ZBTB8B: variants seen among roughly 807,000 people sequenced by gnomAD.
ZBTB8B encodes the protein zinc finger and BTB domain-containing protein 8B.
Under a neutral mutation model 30.3 loss-of-function variants are expected in ZBTB8B, and 17 were observed. The observed-to-expected ratio is 0.56, with a 90% CI of 0.38 to 0.84. The LOEUF is 0.84. Ranked by LOEUF, ZBTB8B falls within the 40% of genes least tolerant of loss-of-function variation. The pLI, the probability that ZBTB8B is intolerant of heterozygous loss-of-function variation, is 0.00. For missense variants in ZBTB8B, 515 were observed against 644.9 expected, an observed-to-expected ratio of 0.80 and a Z score of 2.18; for synonymous variants, 248 against 255.6, an observed-to-expected ratio of 0.97 and a Z score of 0.28.
Position 32,486,152 on chromosome 1 carries a change from C to T in ZBTB8B, c.*734C>T, listed in dbSNP as rs1643743753. ...GACGATTCTACACATACAACCTGTT[C>T]TGTTATCATAAAACAACTCATTTGG... On this transcript the variant is annotated 3_prime_UTR_variant, in exon 4 of 4. Coordinates refer to ENST00000609129, the MANE Select transcript of ZBTB8B (RefSeq NM_001145720.2). The T allele has an allele frequency of 6.6e-6, 1 of 152,260 alleles. No individual in the cohort carries two copies. Among genetic ancestry groups the T allele is most frequent in the African/African-American group, 2.4e-5 (1 of 41,474 alleles). The allele number at this position is 152,260 out of a possible 1,614,324, so 9.4% of individuals were successfully genotyped here.
Position 32,471,619 on chromosome 1 carries a change from A to T in ZBTB8B, c.991+4A>T. Reference sequence around the variant, plus strand: ...GACTGGTATGGAGAGGACTCAGGTGAGCTCCCTTAGCATTCATCAGCCCTG... The same window carrying T: ...GACTGGTATGGAGAGGACTCAGGTGTGCTCCCTTAGCATTCATCAGCCCTG... On this transcript the variant is annotated splice_donor_region_variant and intron_variant, in intron 2 of 3. Coordinates refer to ENST00000609129, the MANE Select transcript of ZBTB8B (RefSeq NM_001145720.2). 1.3e-6 allele frequency: 2 copies of T among 1,547,190 alleles called. No individual in the cohort carries two copies. The highest frequency in any genetic ancestry group is 1.7e-6 in the Non-Finnish European group (2 of 1,143,528).
intron 3 of ZBTB8B, among the ~76,000 whole-genome samples, chr1:32,481,451 G>A (rs1643703794): frequency 6.6e-6 from 1 of 151,938 alleles, no homozygotes; most frequent in African/African-American, 2.4e-5. Flanking sequence ...CCAGCACCTA[G>A]GGGTAAGGGA....
intron 2 of ZBTB8B, among the ~76,000 whole-genome samples, chr1:32,477,604 CA>C (rs1643673538): frequency 6.6e-6 from 1 of 152,046 alleles, no homozygotes; most frequent in Non-Finnish European, 1.5e-5. Flanking sequence ...TCCTAGGAAA[CA>C]GGTCGTCATT....
chr1:32,482,262 G>A (rs894810933), intron 3 of ZBTB8B, among the ~76,000 whole-genome samples: 11 of 152,040 alleles, frequency 7.2e-5, no homozygotes, highest in African/African-American at 2.7e-4. Context: ...GCCTCCCAAA[G>A]TGCTGGGATT....
At chr1:32,470,512 A>AAAG in intron 1 of ZBTB8B, 72 bp from the exon 2 acceptor site, 1 of 1,083,152 alleles carries the variant, frequency 9.2e-7, no homozygotes, top group East Asian at 3.6e-5. Context: ...AAAAAAAAAA[A>AAAG]AAAAAAAAAA....
intron 2 of ZBTB8B, among the ~76,000 whole-genome samples, chr1:32,477,186 A>G (rs1041461034): frequency 4.6e-5 from 7 of 152,236 alleles, no homozygotes; most frequent in Non-Finnish European, 1.0e-4. Flanking sequence ...CTCCTAGGGA[A>G]AATCATCACT....
rs1347555014 is a variant in ZBTB8B, at chr1:32,496,351, C to A, written c.*10933C>A. 1 of 152,184 alleles carries A rather than the reference C, an allele frequency of 6.6e-6. No individual in the cohort carries two copies. The highest frequency in any genetic ancestry group is 1.9e-4 in the East Asian group (1 of 5,204). The allele number at this position is 152,184 out of a possible 1,614,324, so 9.4% of individuals were successfully genotyped here. On this transcript the variant is annotated 3_prime_UTR_variant, in exon 4 of 4. Transcript: ENST00000609129. ...AGCTCTACAGTTACACACTGTCCAA[C>A]AGCTCTCGGAAGAAAAACAGAAACT...
In ZBTB8B at chr1:32,484,210, GA is replaced by G. The variant is rs1279754660; in HGVS notation, c.1171-875del. Among the ~76,000 whole-genome samples, 7,209 of 130,190 alleles carry G rather than the reference GA, an allele frequency of 0.055. 129 individuals carry two copies. Among genetic ancestry groups the G allele is most frequent in the Middle Eastern group, 0.096 (24 of 250 alleles). 85.4% of individuals were successfully genotyped at this position (130,190 alleles called of 152,430 possible). Reference sequence around the variant, plus strand: ...GTGACAGAGAAAGACCCTGTCTCTGGAAAAAAAAAAAAAAAATCCCAATCAG... The same window carrying G: ...GTGACAGAGAAAGACCCTGTCTCTGGAAAAAAAAAAAAAAATCCCAATCAG... On this transcript the variant is annotated intron_variant, in intron 3 of 3. Coordinates refer to ENST00000609129, the MANE Select transcript of ZBTB8B (RefSeq NM_001145720.2). This position sits in a 1 kb window ranked among gnomAD's most constrained non-coding sequence, Gnocchi z 4.5.
Position 32,492,303 on chromosome 1 carries a change from T to C in ZBTB8B, c.*6885T>C. The C allele has an allele frequency of 6.3e-6, 1 of 159,590 alleles. No individual in the cohort carries two copies. Among genetic ancestry groups the C allele is most frequent in the Non-Finnish European group, 1.3e-5 (1 of 74,764 alleles). 9.9% of individuals were successfully genotyped at this position (159,590 alleles called of 1,614,324 possible). A position where few individuals can be genotyped will look rare whatever the true frequency, so the allele number is the denominator to read the frequency against. ...GGCTCTTGGTAACCGTGCCTTTTTT[T>C]TTTTTTTTTTTTTTTTAAAGATGGA... On this transcript the variant is annotated 3_prime_UTR_variant, in exon 4 of 4. Coordinates refer to ENST00000609129, the MANE Select transcript of ZBTB8B (RefSeq NM_001145720.2).
At position 32,465,265 on chromosome 1, in the gene ZBTB8B, C is replaced by G. The variant is rs1235409287; in HGVS notation, c.-42+160C>G. The stretch of plus-strand genomic sequence containing the variant: ...TGGCCCTGGCAACTCCTGGGACCTC[C>G]GCCCCGCGAGCCCTTCTAGCGTGGG... On this transcript the variant is annotated intron_variant, in intron 1 of 3. Transcript: ENST00000609129. This position sits in a 1 kb window ranked among gnomAD's most constrained non-coding sequence, Gnocchi z 4.1. 6.6e-6 allele frequency among the ~76,000 whole-genome samples: 1 copy of G among 152,258 alleles called. No homozygotes were observed. The highest frequency in any genetic ancestry group is 1.5e-5 in the Non-Finnish European group (1 of 68,040).
chr1:32,481,623 A>ATATT (rs1036314243), intron 3 of ZBTB8B, among the ~76,000 whole-genome samples: 6 of 152,132 alleles, frequency 3.9e-5, no homozygotes, highest in African/African-American at 7.2e-5. Context: ...GAAAGATGTT[A>ATATT]TATTTATTTA....
Position 32,486,783 on chromosome 1 carries a change from T to A in ZBTB8B, c.*1365T>A, listed in dbSNP as rs1438289576. On this transcript the variant is annotated 3_prime_UTR_variant, in exon 4 of 4. Transcript: ENST00000609129. ...GAGTTGAGTCCTGCCTTCTACCTCC[T>A]TGCCTAGAACTTTAATTGGAGGGAA... 3 of 152,322 alleles carry A rather than the reference T, an allele frequency of 2.0e-5. No homozygotes were observed. The East Asian group carries it at 5.8e-4, about 29-fold the overall frequency. 9.4% of individuals were successfully genotyped at this position (152,322 alleles called of 1,614,324 possible). A position where few individuals can be genotyped will look rare whatever the true frequency, so the allele number is the denominator to read the frequency against.
At chr1:32,467,530 A>T (rs573697013) in intron 1 of ZBTB8B, among the ~76,000 whole-genome samples, 1 of 152,252 alleles carries the variant, frequency 6.6e-6, no homozygotes, top group East Asian at 1.9e-4. Context: ...CTGGGATTAC[A>T]AGTGTGAGCC....
At chr1:32,466,128 T>C (rs1192201998) in intron 1 of ZBTB8B, among the ~76,000 whole-genome samples, 2 of 152,184 alleles carry the variant, frequency 1.3e-5, no homozygotes, top group Non-Finnish European at 2.9e-5. Flanking sequence ...TTTACTAAAA[T>C]TGAGGAGCAG....
rs1643734544 is a variant in ZBTB8B, at chr1:32,485,117, G to A, written c.1187G>A (p.Arg396His). Residue 396 changes from arginine (R) to histidine (H), a missense_variant, in exon 4 of 4, where the codon CGT (arginine) becomes CAT (histidine). This residue lies in a region of ZBTB8B where 429 missense variants were observed against 504.3 expected (regional missense o/e 0.85). Coordinates refer to ENST00000609129, the MANE Select transcript of ZBTB8B (RefSeq NM_001145720.2). ...SHALSVHRSN[R>H]PIICKGCRRT... is the part of the protein sequence containing the mutation. The stretch of plus-strand genomic sequence containing the variant: ...TGATTACAGGTCCACAGATCCAACC[G>A]TCCAATCATCTGCAAGGGCTGCAGG... 1.4e-5 allele frequency: 21 copies of A among 1,551,950 alleles called. No individual in the cohort carries two copies. Among genetic ancestry groups the A allele is most frequent in the Admixed American group, 2.0e-5 (1 of 50,982 alleles).
Position 32,484,230 on chromosome 1 carries a change from C to T in ZBTB8B, c.1171-871C>T, listed in dbSNP as rs1344268134. The stretch of plus-strand genomic sequence containing the variant: ...CTCTGGAAAAAAAAAAAAAAAATCC[C>T]AATCAGTTCACTTTCATTTGAGTGC... On this transcript the variant is annotated intron_variant, in intron 3 of 3. Transcript: ENST00000609129. The surrounding 1 kb of genome is among the most constrained non-coding windows in gnomAD (Gnocchi z 4.5). Among the ~76,000 whole-genome samples the T allele has an allele frequency of 6.6e-6, 1 of 151,542 alleles. No individual in the cohort carries two copies. Among genetic ancestry groups the T allele is most frequent in the Non-Finnish European group, 1.5e-5 (1 of 67,904 alleles).
chr1:32,474,616 G>A (rs1643649029), intron 2 of ZBTB8B, among the ~76,000 whole-genome samples: 1 of 152,128 alleles, frequency 6.6e-6, no homozygotes, highest in Non-Finnish European at 1.5e-5. Flanking sequence ...CCAGCATTGG[G>A]AAGATAGTGG....
chr1:32,487,169 C>T lies in ZBTB8B; in HGVS notation c.*1751C>T, dbSNP rs1643751898. The T allele has an allele frequency of 6.6e-6, 1 of 152,088 alleles. No individual in the cohort carries two copies. Among genetic ancestry groups the T allele is most frequent in the African/African-American group, 2.4e-5 (1 of 41,410 alleles). The allele number at this position is 152,088 out of a possible 1,614,324, so 9.4% of individuals were successfully genotyped here. A position where few individuals can be genotyped will look rare whatever the true frequency, so the allele number is the denominator to read the frequency against. On this transcript the variant is annotated 3_prime_UTR_variant, in exon 4 of 4. Coordinates refer to ENST00000609129, the MANE Select transcript of ZBTB8B (RefSeq NM_001145720.2). ...TCTTGAACAACAAAAAAGTCAAAAACATTATAAATTGGCTTGTAAATGTTA... is the reference window on the plus strand; with the variant it reads ...TCTTGAACAACAAAAAAGTCAAAAATATTATAAATTGGCTTGTAAATGTTA...
In ZBTB8B at chr1:32,491,434, C is replaced by T. The variant is rs1228262140; in HGVS notation, c.*6016C>T. ...ACATTCAAATTTATAAACTGCCACA[C>T]TTGGCATCAGATTCACTTAAAAGGA... On this transcript the variant is annotated 3_prime_UTR_variant, in exon 4 of 4. Transcript: ENST00000609129. 2 of 152,322 alleles carry T rather than the reference C, an allele frequency of 1.3e-5. No individual in the cohort carries two copies. The highest frequency in any genetic ancestry group is 4.8e-5 in the African/African-American group (2 of 41,570). 9.4% of individuals were successfully genotyped at this position (152,322 alleles called of 1,614,324 possible). A position where few individuals can be genotyped will look rare whatever the true frequency, so the allele number is the denominator to read the frequency against.
Sources: allele counts gnomAD v4.1 joint callset (sites outside exome capture counted in the v4.1 genomes callset), GRCh38; gene constraint gnomAD v4.1.1; regional missense constraint gnomAD v4.1.1; non-coding constraint Gnocchi (gnomAD v3.1); transcripts MANE v1.5; gene names NCBI Gene and HGNC (gene_info 2026-07-23, HGNC 2026-07-21).